LHFPL6: variants seen among roughly 807,000 people sequenced by gnomAD.
LHFPL6 encodes the protein LHFPL tetraspan subfamily member 6 protein.
Under a neutral mutation model 20.6 loss-of-function variants are expected in LHFPL6, and 9 were observed. The ratio of observed to expected loss-of-function variants is 0.44; its 90% CI spans 0.26 to 0.76. The LOEUF (loss-of-function observed/expected upper bound fraction) is 0.76, where lower values mean the gene tolerates loss of function less well. LHFPL6 is among the 30% of genes least tolerant of loss of function. The pLI, the probability that LHFPL6 is intolerant of heterozygous loss-of-function variation, is 0.20. For synonymous variants in LHFPL6, 105 were observed against 98.7 expected (o/e 1.06, Z -0.38); for missense variants, 218 against 253.5 (o/e 0.86, Z 0.95).
intron 2 of LHFPL6, among the ~76,000 whole-genome samples, chr13:39,407,594 G>C (rs891243277): frequency 6.6e-6 from 1 of 152,146 alleles, no homozygotes; most frequent in Non-Finnish European, 1.5e-5. Context: ...TGCTTTAGAA[G>C]ATATCTGCCT....
intron 2 of LHFPL6, among the ~76,000 whole-genome samples, chr13:39,475,612 C>A (rs1873066679): frequency 6.6e-6 from 1 of 152,104 alleles, no homozygotes; most frequent in Non-Finnish European, 1.5e-5. Context: ...ACTGCAGACA[C>A]CACCCATAGC....
intron 2 of LHFPL6, among the ~76,000 whole-genome samples, chr13:39,415,132 G>A (rs1255862914): frequency 3.3e-5 from 5 of 152,188 alleles, no homozygotes; most frequent in African/African-American, 1.2e-4. Flanking sequence ...AACTTGTGCT[G>A]TGCTTTTTTG....
intron 2 of LHFPL6, among the ~76,000 whole-genome samples, chr13:39,429,420 C>T (rs887049548): frequency 6.6e-6 from 1 of 152,152 alleles, no homozygotes; most frequent in African/African-American, 2.4e-5. Context: ...AATATAGCCA[C>T]TCCAGCCTTC....
At chr13:39,575,741 G>A (rs1283695342) in intron 2 of LHFPL6, among the ~76,000 whole-genome samples, 1 of 152,148 alleles carries the variant, frequency 6.6e-6, no homozygotes, top group Non-Finnish European at 1.5e-5. Flanking sequence ...AGCTCCTTCC[G>A]CTGTGGGGTC....
chr13:39,549,871 C>T (rs1871096487), intron 2 of LHFPL6, among the ~76,000 whole-genome samples: 1 of 151,998 alleles, frequency 6.6e-6, no homozygotes, highest in Non-Finnish European at 1.5e-5. Context: ...TACACAACAA[C>T]ATGGATGAAT....
At chr13:39,472,667 G>T (rs1872976424) in intron 2 of LHFPL6, among the ~76,000 whole-genome samples, 1 of 152,036 alleles carries the variant, frequency 6.6e-6, no homozygotes, top group Admixed American at 6.5e-5. Flanking sequence ...GGAGTGCAAT[G>T]ATGCAATCTC....
intron 2 of LHFPL6, among the ~76,000 whole-genome samples, chr13:39,564,061 G>T (rs139581187): frequency 1.3e-5 from 2 of 151,960 alleles, no homozygotes; most frequent in African/African-American, 4.8e-5. Flanking sequence ...GCACTGGAAG[G>T]CTTCCCACCA....
intron 2 of LHFPL6, among the ~76,000 whole-genome samples, chr13:39,549,254 G>C (rs1418317075): frequency 6.6e-6 from 1 of 152,098 alleles, no homozygotes; most frequent in African/African-American, 2.4e-5. Context: ...TGAAAGGACA[G>C]TTTTTACAAC....
At chr13:39,388,849 C>T (rs1241519504) in intron 2 of LHFPL6, among the ~76,000 whole-genome samples, 1 of 152,194 alleles carries the variant, frequency 6.6e-6, no homozygotes, top group Non-Finnish European at 1.5e-5. Flanking sequence ...GACATCTGTA[C>T]AGATCTTTGA....
chr13:39,531,817 T>A (rs1415423600), intron 2 of LHFPL6, among the ~76,000 whole-genome samples: 1 of 152,148 alleles, frequency 6.6e-6, no homozygotes, highest in African/African-American at 2.4e-5. Flanking sequence ...AACTCAACCC[T>A]TCTGCCACAA....
chr13:39,552,860 A>T (rs9548817), intron 2 of LHFPL6, among the ~76,000 whole-genome samples: 52,156 of 151,574 alleles, frequency 0.34, 10,069 homozygotes, highest in Non-Finnish European at 0.43. Context: ...ACCAAGAATG[A>T]GGATGATGCT....
intron 2 of LHFPL6, among the ~76,000 whole-genome samples, chr13:39,473,849 T>C (rs1288967637): frequency 1.3e-5 from 2 of 152,232 alleles, no homozygotes; most frequent in Non-Finnish European, 2.9e-5. Context: ...TTTGGATTCT[T>C]CTTGTATGAC....
At chr13:39,377,163 T>C (rs1870311125) in intron 3 of LHFPL6, among the ~76,000 whole-genome samples, 1 of 152,216 alleles carries the variant, frequency 6.6e-6, no homozygotes, top group South Asian at 2.1e-4. Context: ...TCATACCCTC[T>C]TTGTCCAATC....
At chr13:39,401,336 T>C (rs1870986071) in intron 2 of LHFPL6, among the ~76,000 whole-genome samples, 1 of 152,228 alleles carries the variant, frequency 6.6e-6, no homozygotes, top group African/African-American at 2.4e-5. Flanking sequence ...TCTCTCTCCT[T>C]TAAAACTGAG....
chr13:39,474,995 AC>A (rs1283044332), intron 2 of LHFPL6, among the ~76,000 whole-genome samples: 5 of 152,224 alleles, frequency 3.3e-5, no homozygotes, highest in Non-Finnish European at 7.3e-5. Flanking sequence ...AGAGTCCAAT[AC>A]TGCTTTCCCA....
chr13:39,454,162 C>A (rs549761873), intron 2 of LHFPL6, among the ~76,000 whole-genome samples: 1 of 152,280 alleles, frequency 6.6e-6, no homozygotes, highest in South Asian at 2.1e-4. Context: ...TCGGTATAAT[C>A]TTCTAATTTG....
chr13:39,466,798 T>C (rs1446402820), intron 2 of LHFPL6, among the ~76,000 whole-genome samples: 1 of 152,220 alleles, frequency 6.6e-6, no homozygotes, highest in Non-Finnish European at 1.5e-5. Context: ...TTCCTAAGCA[T>C]TTACCATAAA....
chr13:39,380,818 G>A (rs909078191), intron 2 of LHFPL6, among the ~76,000 whole-genome samples: 4 of 151,962 alleles, frequency 2.6e-5, no homozygotes, highest in African/African-American at 9.7e-5. Flanking sequence ...GTAGGAGCAC[G>A]AACCCTATTG....
chr13:39,579,384 C>G (rs1240529295), intron 2 of LHFPL6, among the ~76,000 whole-genome samples: 2 of 152,014 alleles, frequency 1.3e-5, no homozygotes, highest in Non-Finnish European at 2.9e-5. Context: ...AGGTCATGAC[C>G]CAGCAGGACA....
Sources: allele counts gnomAD v4.1 joint callset (sites outside exome capture counted in the v4.1 genomes callset), GRCh38; gene constraint gnomAD v4.1.1; transcripts MANE v1.5; gene names NCBI Gene and HGNC (gene_info 2026-07-23, HGNC 2026-07-21).